ADGRG5: variants seen among roughly 807,000 people sequenced by gnomAD.
The protein encoded by ADGRG5 is adhesion G protein-coupled receptor G5.
In ADGRG5, 37 loss-of-function variants were observed where a neutral mutation model predicts 53.2. The ratio of observed to expected loss-of-function variants is 0.70; its 90% confidence interval spans 0.53 to 0.91. The LOEUF (loss-of-function observed/expected upper bound fraction) is 0.91, where lower values mean the gene tolerates loss of function less well. Among genes scored for constraint, ADGRG5 ranks in the 40% least tolerant of loss-of-function variants. The pLI, the probability that ADGRG5 is intolerant of heterozygous loss-of-function variation, is 0.00. For missense variants in ADGRG5, 614 were observed against 675.8 expected (o/e 0.91, Z 1.01); for synonymous variants, 277 against 290.4 (o/e 0.95, Z 0.47).
At chr16:57,530,669 G>A in the ADGRG5 span, among the ~76,000 whole-genome samples, 2 of 152,114 alleles carry the variant, frequency 1.3e-5, no homozygotes, top group African/African-American at 4.8e-5. Flanking sequence ...GGACAGAGGG[G>A]TTCTCCTTCC....
At chr16:57,532,150 C>A in the ADGRG5 span, among the ~76,000 whole-genome samples, 10 of 152,166 alleles carry the variant, frequency 6.6e-5, no homozygotes, top group African/African-American at 2.4e-4. Flanking sequence ...ATCAGGGTGT[C>A]CTTCAGATTC....
At chr16:57,548,039 C>T (rs771963549) in intron 1 of ADGRG5, among the ~76,000 whole-genome samples, 12 of 152,172 alleles carry the variant, frequency 7.9e-5, no homozygotes, top group Non-Finnish European at 1.3e-4. Context: ...TGAGCCACCA[C>T]GCCTGGCCTC....
At chr16:57,552,251 A>T (rs1398821365) in intron 1 of ADGRG5, among the ~76,000 whole-genome samples, 8 of 152,206 alleles carry the variant, frequency 5.3e-5, no homozygotes, top group African/African-American at 1.9e-4. Flanking sequence ...CAAGGGAGTT[A>T]GCCTGTCCTT....
chr16:57,574,859 G>A lies in ADGRG5; in HGVS notation c.1253G>A (p.Gly418Asp). 3 of 1,610,076 alleles carry A rather than the reference G, an allele frequency of 1.9e-6. No individual in the cohort carries two copies. The highest frequency in any genetic ancestry group is 1.1e-5 in the South Asian group (1 of 90,924). The change falls in exon 11 of 12, where the codon GGC (glycine) becomes GAC (aspartate). Residue 418 changes from glycine (G) to aspartate (D), a missense_variant. Coordinates refer to ENST00000349457, the MANE Select transcript of ADGRG5 (RefSeq NM_001304376.3). The surrounding 1 kb of genome is among the most constrained non-coding windows in gnomAD (Gnocchi z 4.4). ...SPVVHSVLVM[G>D]YGGLTSLFNL... ...GTGGTGCACAGTGTCCTGGTCATGG[G>A]CTACGGCGGCCTCACGTCCCTCTTC...
upstream of ADGRG5, among the ~76,000 whole-genome samples, chr16:57,540,348 T>G (rs2032472408): frequency 6.6e-6 from 1 of 152,244 alleles, no homozygotes; most frequent in Non-Finnish European, 1.5e-5. Flanking sequence ...TGACTTTTTT[T>G]GCATTGTGAC....
intron 1 of ADGRG5, among the ~76,000 whole-genome samples, chr16:57,556,765 CTTGG>C (rs1379457672): frequency 1.3e-5 from 2 of 152,138 alleles, no homozygotes; most frequent in African/African-American, 2.4e-5. Context: ...CTCTTCATTT[CTTGG>C]TTTAAGTCCA....
chr16:57,569,898 C>T (rs2033296237), intron 9 of ADGRG5, among the ~76,000 whole-genome samples: 1 of 151,968 alleles, frequency 6.6e-6, no homozygotes, highest in African/African-American at 2.4e-5. Context: ...TCATCTCCTC[C>T]ACCTGCACTA....
chr16:57,538,971 T>C (rs2032449224), upstream of ADGRG5, among the ~76,000 whole-genome samples: 1 of 152,174 alleles, frequency 6.6e-6, no homozygotes. Context: ...ACAACGTTAG[T>C]AAAGTCTAGC....
At chr16:57,571,890 T>C (rs1331898608) in intron 10 of ADGRG5, among the ~76,000 whole-genome samples, 1 of 151,982 alleles carries the variant, frequency 6.6e-6, no homozygotes, top group Non-Finnish European at 1.5e-5. Flanking sequence ...GTGATCCGTC[T>C]GCCTTGACCT....
chr16:57,572,025 G>A (rs1394463971), intron 10 of ADGRG5, among the ~76,000 whole-genome samples: 1 of 151,784 alleles, frequency 6.6e-6, no homozygotes, highest in East Asian at 1.9e-4. Context: ...AGATGTTAGA[G>A]AACACCCACC....
At chr16:57,540,517 C>T (rs1439821998), upstream of ADGRG5, among the ~76,000 whole-genome samples, 2 of 152,036 alleles carry the variant, frequency 1.3e-5, no homozygotes, top group Admixed American at 1.3e-4. Flanking sequence ...TCCTACTGCT[C>T]AAGCATCCAG....
chr16:57,561,541 C>T (rs2033000457), intron 1 of ADGRG5, among the ~76,000 whole-genome samples: 1 of 152,256 alleles, frequency 6.6e-6, no homozygotes, highest in East Asian at 1.9e-4. Context: ...GGCTTTGTGC[C>T]TATTTTATTC....
chr16:57,548,474 C>A (rs2032671289), intron 1 of ADGRG5, among the ~76,000 whole-genome samples: 1 of 152,050 alleles, frequency 6.6e-6, no homozygotes, highest in South Asian at 2.1e-4. Flanking sequence ...TTATAAGAAA[C>A]TGCCAAATGG....
chr16:57,574,684 A>T lies in ADGRG5; in HGVS notation c.1209-131A>T. The T allele has an allele frequency of 1.0e-6, 1 of 991,020 alleles. No homozygotes were observed. Among genetic ancestry groups the T allele is most frequent in the Non-Finnish European group, 1.4e-6 (1 of 701,118 alleles). The allele number at this position is 991,020 out of a possible 1,614,324, so 61.4% of individuals were successfully genotyped here. ...GCTGGAAAGCCGGGTGAGGGGTTTC[A>T]CTGTGTGTTCAGTCAGGCAAGAAAC... On this transcript the variant is annotated intron_variant, in intron 10 of 11. Transcript: ENST00000349457. The surrounding 1 kb of genome is among the most constrained non-coding windows in gnomAD (Gnocchi z 4.4).
rs759810513 is a variant in ADGRG5, at chr16:57,570,396, G to C, written c.1091-22G>C. The C allele has an allele frequency of 5.2e-6, 8 of 1,543,550 alleles. No individual in the cohort carries two copies. In the African/African-American group the frequency reaches 9.5e-5, roughly 18 times the overall value. ...GGGTCAGCCCTCTCCCACATCTCCT[G>C]AGCCTTTGTCCCACCCCTCAGGGGC... On this transcript the variant is annotated intron_variant, in intron 9 of 11. Coordinates refer to ENST00000349457, the MANE Select transcript of ADGRG5 (RefSeq NM_001304376.3).
chr16:57,565,187 T>TGCCC, intron 6 of ADGRG5, 37 bp downstream of exon 6: 1 of 1,224,496 alleles, frequency 8.2e-7, no homozygotes, highest in Non-Finnish European at 1.2e-6. Flanking sequence ...ACTGCACCCC[T>TGCCC]GCCCCTCTGT....
At chr16:57,533,155 C>T in the ADGRG5 span, among the ~76,000 whole-genome samples, 1 of 152,194 alleles carries the variant, frequency 6.6e-6, no homozygotes. Context: ...TCCTTCCCAG[C>T]GGCCTGGCCA....
chr16:57,559,280 A>G (rs1411292861), intron 1 of ADGRG5, among the ~76,000 whole-genome samples: 1 of 152,192 alleles, frequency 6.6e-6, no homozygotes, highest in African/African-American at 2.4e-5. Flanking sequence ...ATCAAAGCAA[A>G]GCCAGGGTGC....
chr16:57,529,219 C>T, the ADGRG5 span: 19 of 1,152,648 alleles, frequency 1.6e-5, no homozygotes, highest in Admixed American at 4.7e-5. The surrounding 1 kb of genome is among the most constrained non-coding windows in gnomAD (Gnocchi z 4.1). Flanking sequence ...CGCGGTCGGG[C>T]TCAGGGGCGG....
Sources: gnomAD v4.1 joint callset for allele counts (sites outside exome capture counted in the v4.1 genomes callset) on GRCh38, gnomAD v4.1.1 for gene constraint, Gnocchi (gnomAD v3.1) non-coding constraint, MANE v1.5 for transcripts, NCBI Gene and HGNC (gene_info 2026-07-23, HGNC 2026-07-21) for gene names.